ZBTB16: variants seen among roughly 807,000 people sequenced by gnomAD.
The protein encoded by ZBTB16 is zinc finger and BTB domain containing 16.
In ZBTB16, 8 loss-of-function variants were observed where a neutral mutation model predicts 56.8. The ratio of observed to expected loss-of-function variants is 0.14; its 90% confidence interval spans 0.08 to 0.25. The LOEUF (loss-of-function observed/expected upper bound fraction) is 0.25, where lower values mean the gene tolerates loss of function less well. Among genes scored for constraint, ZBTB16 ranks in the 10% least tolerant of loss-of-function variants. The probability of loss-of-function intolerance (pLI) is 1.00; values close to 1 mark genes in which losing one functional copy is unlikely to be tolerated. For missense variants in ZBTB16, 625 were observed against 903.0 expected (o/e 0.69, Z 3.95); for synonymous variants, 363 against 368.5 (o/e 0.98, Z 0.17).
intron 4 of ZBTB16, chr11:114,211,066 G>A (rs1357362147): frequency 6.1e-6 from 1 of 163,424 alleles, no homozygotes; most frequent in Non-Finnish European, 1.3e-5. Context: ...TATTACAGGT[G>A]TGCACCACCA....
At chr11:114,159,938 G>GC (rs1942531908) in intron 3 of ZBTB16, among the ~76,000 whole-genome samples, 2 of 65,710 alleles carry the variant, frequency 3.0e-5, no homozygotes, top group South Asian at 8.3e-4. Flanking sequence ...CGGGGGAGGC[G>GC]GGGGGGAGGC....
At chr11:114,218,505 A>G (rs1436850381) in intron 4 of ZBTB16, among the ~76,000 whole-genome samples, 1 of 152,196 alleles carries the variant, frequency 6.6e-6, no homozygotes, top group African/African-American at 2.4e-5. Context: ...GTGGCTTGGC[A>G]CTTCGGGACC....
rs1002569099 is a variant in ZBTB16 at position 114,251,856 on chromosome 11, C to G, written c.*1301C>G. 6.6e-6 allele frequency among the ~76,000 whole-genome samples: 1 copy of G among 152,188 alleles called. No homozygotes were observed. The highest frequency in any genetic ancestry group is 2.4e-5 in the African/African-American group (1 of 41,448). ...TTCTTTTCTGTGTCCCCTGTTAGCA[C>G]ATTGTACTTGAATTACCTCAGTTTT... On this transcript the variant is annotated 3_prime_UTR_variant, in exon 7 of 7. Transcript: ENST00000335953.
In ZBTB16 at chr11:114,065,952, G is replaced by GT. The variant is rs201204962; in HGVS notation, c.1268+1394dup. Among the ~76,000 whole-genome samples the GT allele has an allele frequency of 1.7e-3, 250 of 149,330 alleles. 6 individuals carry two copies. The East Asian group carries it at 0.044, about 26-fold the overall frequency. On this transcript the variant is annotated intron_variant, in intron 2 of 6. Coordinates refer to ENST00000335953, the MANE Select transcript of ZBTB16 (RefSeq NM_006006.6). ...AACAGGGGGGATAAGTAGCGAGTTT[G>GT]TTTTTTTTTTCCTTGCTTCTGTCAT...
chr11:114,097,301 G>C (rs1940452851), intron 2 of ZBTB16, among the ~76,000 whole-genome samples: 1 of 152,160 alleles, frequency 6.6e-6, no homozygotes. Flanking sequence ...AGGAGCTGGG[G>C]AGAGAGGGGA....
intron 4 of ZBTB16, among the ~76,000 whole-genome samples, chr11:114,206,032 A>AC (rs1247690539): frequency 6.6e-6 from 1 of 152,148 alleles, no homozygotes; most frequent in Non-Finnish European, 1.5e-5. Context: ...GTTCTGGGAC[A>AC]CCCACTGGGC....
chr11:114,085,782 G>A (rs1028294029), intron 2 of ZBTB16, among the ~76,000 whole-genome samples: 2 of 152,138 alleles, frequency 1.3e-5, no homozygotes, highest in Admixed American at 6.5e-5. Flanking sequence ...GGAATGGGGC[G>A]ATGGGCATGG....
In ZBTB16 at chr11:114,060,641, C is replaced by G. The variant is rs1938795776; in HGVS notation, c.-91+759C>G. On this transcript the variant is annotated intron_variant, in intron 1 of 6. Transcript: ENST00000335953. This position sits in a 1 kb window ranked among gnomAD's most constrained non-coding sequence, Gnocchi z 6.0. ...GGGATGCCTTTCCCACCCTGGCGCG[C>G]CCGCCGCTAGCTCGCACAGCGCCTC... The G allele has an allele frequency of 6.6e-6, 1 of 152,160 alleles. No individual in the cohort carries two copies. The highest frequency in any genetic ancestry group is 2.4e-5 in the African/African-American group (1 of 41,426). 9.4% of individuals were successfully genotyped at this position (152,160 alleles called of 1,614,324 possible).
At chr11:114,147,935 A>G (rs118016202) in intron 2 of ZBTB16, among the ~76,000 whole-genome samples, 247 of 152,354 alleles carry the variant, frequency 1.6e-3, no homozygotes, top group Non-Finnish European at 2.1e-3. Context: ...ATCATCCTAT[A>G]GCCCAGTGCA....
At chr11:114,078,071 G>A (rs995890681) in intron 2 of ZBTB16, among the ~76,000 whole-genome samples, 1 of 152,138 alleles carries the variant, frequency 6.6e-6, no homozygotes, top group Non-Finnish European at 1.5e-5. Context: ...TCTTTTAGTG[G>A]GCTGGAGAAG....
At position 114,059,829 on chromosome 11, in the gene ZBTB16, A is replaced by G; in HGVS notation, c.-144A>G. On this transcript the variant is annotated 5_prime_UTR_variant, in exon 1 of 7. Transcript: ENST00000335953. The surrounding 1 kb of genome is among the most constrained non-coding windows in gnomAD (Gnocchi z 5.3). Reference sequence around the variant, plus strand: ...AGCAACACCCCTCCCCGACACAGGCACACACCCCCCGACAGGCACGCACAC... The same window carrying G: ...AGCAACACCCCTCCCCGACACAGGCGCACACCCCCCGACAGGCACGCACAC... The G allele has an allele frequency of 5.0e-6, 2 of 397,964 alleles. No individual in the cohort carries two copies. The highest frequency in any genetic ancestry group is 8.9e-6 in the Non-Finnish European group (2 of 225,782). The allele number at this position is 397,964 out of a possible 1,614,324, so 24.7% of individuals were successfully genotyped here. A position where few individuals can be genotyped will look rare whatever the true frequency, so the allele number is the denominator to read the frequency against.
At chr11:114,180,839 C>T (rs558672568) in intron 3 of ZBTB16, 10 of 152,412 alleles carry the variant, frequency 6.6e-5, no homozygotes, top group Admixed American at 2.0e-4. Context: ...TGGGAACCTG[C>T]TCTCACAGAG....
intron 4 of ZBTB16, among the ~76,000 whole-genome samples, chr11:114,235,677 TCTTTCTTTCTTTCTTTTCTTTCTTTC>T (rs1944558920): frequency 9.3e-5 from 2 of 21,478 alleles, no homozygotes; most frequent in Non-Finnish European, 2.3e-4. Flanking sequence ...TTTCTTTCTT[TCTTTCTTTCTTTCTTTTCTTTCTTTC>T]TTTTCTTTCT....
At chr11:114,092,178 C>G (rs1250459085) in intron 2 of ZBTB16, among the ~76,000 whole-genome samples, 11 of 152,216 alleles carry the variant, frequency 7.2e-5, no homozygotes, top group Non-Finnish European at 1.3e-4. Flanking sequence ...CCGAGAGGCT[C>G]CGGTGAAAGG....
At chr11:114,086,075 G>A (rs773437513) in intron 2 of ZBTB16, among the ~76,000 whole-genome samples, 8 of 152,100 alleles carry the variant, frequency 5.3e-5, no homozygotes, top group Middle Eastern at 3.4e-3. Flanking sequence ...AAGTTCTTAC[G>A]CCCACTAACT....
intron 2 of ZBTB16, among the ~76,000 whole-genome samples, chr11:114,090,483 T>A (rs1317135774): frequency 1.3e-5 from 2 of 152,176 alleles, no homozygotes; most frequent in African/African-American, 4.8e-5. Flanking sequence ...GGGAGCTCCC[T>A]CTCTCCCCTC....
intron 6 of ZBTB16, among the ~76,000 whole-genome samples, chr11:114,247,981 T>G (rs571219600): frequency 6.6e-6 from 1 of 152,224 alleles, no homozygotes; most frequent in South Asian, 2.1e-4. Context: ...CACTGCAATC[T>G]CTGCCTCCTG....
intron 4 of ZBTB16, among the ~76,000 whole-genome samples, chr11:114,197,079 C>A (rs532004781): frequency 6.6e-6 from 1 of 152,298 alleles, no homozygotes; most frequent in Admixed American, 6.5e-5. Context: ...AACACACAAT[C>A]CAAACTAGAA....
chr11:114,250,973 G>C lies in ZBTB16; in HGVS notation c.*418G>C, dbSNP rs1417905877. Among the ~76,000 whole-genome samples the C allele has an allele frequency of 6.6e-6, 1 of 152,176 alleles. No individual in the cohort carries two copies. The highest frequency in any genetic ancestry group is 6.5e-5 in the Admixed American group (1 of 15,278). On this transcript the variant is annotated 3_prime_UTR_variant, in exon 7 of 7. Transcript: ENST00000335953. The surrounding 1 kb of genome is among the most constrained non-coding windows in gnomAD (Gnocchi z 6.0). ...CACCAAGACCCCCAGGAGATGAAGG[G>C]AGGGAGGAGGTGAGCCAGAAGGGCG...
Sources: gnomAD v4.1 joint callset for allele counts (sites outside exome capture counted in the v4.1 genomes callset) on GRCh38, gnomAD v4.1.1 for gene constraint, Gnocchi (gnomAD v3.1) non-coding constraint, MANE v1.5 for transcripts, NCBI Gene and HGNC (gene_info 2026-07-23, HGNC 2026-07-21) for gene names.